The following MSI2 variants were observed in gnomAD, a reference collection of about 807,000 sequenced individuals.
The protein encoded by MSI2 is RNA-binding protein Musashi homolog 2.
A neutral mutation model predicts 45.6 loss-of-function variants in MSI2; 17 were observed. That is an observed-to-expected ratio of 0.37 (90% confidence interval 0.26 to 0.56). The LOEUF is 0.56. Among genes scored for constraint, MSI2 ranks in the 20% least tolerant of loss-of-function variants. The pLI is 0.77. For synonymous variants in MSI2, 156 were observed against 158.2 expected, an observed-to-expected ratio of 0.99 and a Z score of 0.11; for missense variants, 293 against 444.2, an observed-to-expected ratio of 0.66 and a Z score of 3.06.
At chr17:57,493,526 C>A (rs957811137) in intron 6 of MSI2, among the ~76,000 whole-genome samples, 1 of 151,668 alleles carries the variant, frequency 6.6e-6, no homozygotes, top group African/African-American at 2.4e-5. Flanking sequence ...GGAGATCCAG[C>A]CCATATGGGC....
intron 5 of MSI2, among the ~76,000 whole-genome samples, chr17:57,367,163 A>C (rs1917255132): frequency 6.6e-6 from 1 of 152,228 alleles, no homozygotes. Context: ...TTTTGGTATG[A>C]AAATGACATT....
rs77037460 is a variant in MSI2 at position 57,684,077 on chromosome 17, G to A, written c.*4560G>A. ...AATCAGAATGTATTGTCTCAGACAGGATTTCAGTTCCGGGAGGCAGGGGCA... is the reference window on the plus strand; with the variant it reads ...AATCAGAATGTATTGTCTCAGACAGAATTTCAGTTCCGGGAGGCAGGGGCA... On this transcript the variant is annotated 3_prime_UTR_variant, in exon 14 of 14. Coordinates refer to ENST00000284073, the MANE Select transcript of MSI2 (RefSeq NM_138962.4). 1.2e-4 allele frequency: 27 copies of A among 217,434 alleles called. No homozygotes were observed. Among genetic ancestry groups the A allele is most frequent in the Non-Finnish European group, 2.0e-4 (22 of 108,160 alleles). The allele number at this position is 217,434 out of a possible 1,614,324, so 13.5% of individuals were successfully genotyped here. A position where few individuals can be genotyped will look rare whatever the true frequency, so the allele number is the denominator to read the frequency against.
intron 6 of MSI2, among the ~76,000 whole-genome samples, chr17:57,443,729 A>ACTC (rs1567826310): frequency 2.6e-5 from 4 of 152,118 alleles, no homozygotes; most frequent in Non-Finnish European, 5.9e-5. Flanking sequence ...GTCACTCACT[A>ACTC]GCTGTGTCCT....
chr17:57,636,288 T>C (rs1460967750), intron 10 of MSI2, among the ~76,000 whole-genome samples: 1 of 152,156 alleles, frequency 6.6e-6, no homozygotes, highest in African/African-American at 2.4e-5. Context: ...AGGGGCTGCA[T>C]CCTGAACCTG....
At chr17:57,363,593 G>T (rs142427415) in intron 5 of MSI2, among the ~76,000 whole-genome samples, 2 of 152,276 alleles carry the variant, frequency 1.3e-5, no homozygotes, top group African/African-American at 4.8e-5. Context: ...AAAGAAATTA[G>T]CTGGGTGTGG....
chr17:57,327,515 G>T (rs1255522558), intron 5 of MSI2, among the ~76,000 whole-genome samples: 2 of 152,154 alleles, frequency 1.3e-5, no homozygotes, highest in Non-Finnish European at 2.9e-5. Flanking sequence ...TTTGTGAATT[G>T]GTGTCAGACA....
chr17:57,331,562 G>A (rs1031236421), intron 5 of MSI2, among the ~76,000 whole-genome samples: 2 of 152,184 alleles, frequency 1.3e-5, no homozygotes, highest in African/African-American at 4.8e-5. Context: ...CCTCCTGAGC[G>A]AGATCTGAAA....
intron 5 of MSI2, among the ~76,000 whole-genome samples, chr17:57,326,393 AT>A (rs1447290827): frequency 6.6e-6 from 1 of 152,036 alleles, no homozygotes; most frequent in African/African-American, 2.4e-5. Flanking sequence ...TACATGACTT[AT>A]TACCTGTCTG....
chr17:57,324,351 T>C (rs1424224986), intron 5 of MSI2, among the ~76,000 whole-genome samples: 1 of 151,656 alleles, frequency 6.6e-6, no homozygotes, highest in African/African-American at 2.4e-5. Context: ...GGAGGCAGCT[T>C]TTCCTCATCT....
intron 7 of MSI2, among the ~76,000 whole-genome samples, chr17:57,589,937 A>G (rs17221469): frequency 0.031 from 4,735 of 152,338 alleles, 165 homozygotes; most frequent in East Asian, 0.17. Context: ...GGATTTTCAA[A>G]CCAGAAAGTG....
At position 57,420,538 on chromosome 17, in the gene MSI2, C is replaced by T. The variant is rs191686555; in HGVS notation, c.405+19067C>T. On this transcript the variant is annotated intron_variant, in intron 6 of 13. Coordinates refer to ENST00000284073, the MANE Select transcript of MSI2 (RefSeq NM_138962.4). ...GAGACCGTTACCAAGAGCAACCTGC[C>T]GAGGGAGTCGGCGCAGAGCTCCGTA... Among the ~76,000 whole-genome samples the T allele has an allele frequency of 5.9e-5, 9 of 152,324 alleles. 1 individual carries two copies. The East Asian group carries it at 1.7e-3, about 29-fold the overall frequency.
intron 6 of MSI2, among the ~76,000 whole-genome samples, chr17:57,518,527 C>T (rs1414258508): frequency 1.3e-5 from 2 of 152,214 alleles, no homozygotes; most frequent in African/African-American, 2.4e-5. Flanking sequence ...TTCCCTGGTT[C>T]GGTCAGAGTC....
At chr17:57,433,141 C>T (rs898419837) in intron 6 of MSI2, among the ~76,000 whole-genome samples, 1 of 152,114 alleles carries the variant, frequency 6.6e-6, no homozygotes, top group African/African-American at 2.4e-5. Context: ...TGGAACAACT[C>T]GGAAAGGGAG....
intron 11 of MSI2, among the ~76,000 whole-genome samples, chr17:57,663,769 A>C (rs749876568): frequency 6.6e-6 from 1 of 152,184 alleles, no homozygotes. Flanking sequence ...TAAGTCTTCA[A>C]TGGAGGTAGC....
At chr17:57,256,162 C>T (rs997197549), upstream of MSI2, among the ~76,000 whole-genome samples, 1 of 151,994 alleles carries the variant, frequency 6.6e-6, no homozygotes, top group Non-Finnish European at 1.5e-5. Context: ...GGTGAGGAGC[C>T]GCAGCAAGCT....
intron 9 of MSI2, among the ~76,000 whole-genome samples, chr17:57,620,082 TG>T (rs1908146086): frequency 6.6e-6 from 1 of 152,096 alleles, no homozygotes; most frequent in Non-Finnish European, 1.5e-5. Context: ...ATGGAATGGA[TG>T]GGGTCAGCCC....
At chr17:57,257,431 C>T (rs753645135) in intron 2 of MSI2, 35 bp from the exon 3 acceptor site, 3 of 1,100,880 alleles carry the variant, frequency 2.7e-6, no homozygotes, top group Middle Eastern at 2.1e-4. Flanking sequence ...CACACCTTCT[C>T]TCCCCCCCCC....
chr17:57,619,273 C>T (rs1908045249), intron 9 of MSI2, among the ~76,000 whole-genome samples: 1 of 152,236 alleles, frequency 6.6e-6, no homozygotes, highest in Non-Finnish European at 1.5e-5. Context: ...GGGGCAAGAG[C>T]ACCTGCTGCG....
In MSI2 at chr17:57,680,995, T is replaced by C. The variant is rs1913563153; in HGVS notation, c.*1478T>C. Reference sequence around the variant, plus strand: ...TTTACAAATTAGGAAAGCAACCTTTTGGTTTATATATATTTTTTTTAATAC... The same window carrying C: ...TTTACAAATTAGGAAAGCAACCTTTCGGTTTATATATATTTTTTTTAATAC... On this transcript the variant is annotated 3_prime_UTR_variant, in exon 14 of 14. Coordinates refer to ENST00000284073, the MANE Select transcript of MSI2 (RefSeq NM_138962.4). 1 of 188,140 alleles carries C rather than the reference T, an allele frequency of 5.3e-6. No individual in the cohort carries two copies. 11.7% of individuals were successfully genotyped at this position (188,140 alleles called of 1,614,324 possible). A position where few individuals can be genotyped will look rare whatever the true frequency, so the allele number is the denominator to read the frequency against.
Sources: gnomAD v4.1 joint callset for allele counts (sites outside exome capture counted in the v4.1 genomes callset) on GRCh38, gnomAD v4.1.1 for gene constraint, MANE v1.5 for transcripts, NCBI Gene and HGNC (gene_info 2026-07-23, HGNC 2026-07-21) for gene names.